LDLRAD3: variants seen among roughly 807,000 people sequenced by gnomAD.
The protein encoded by LDLRAD3 is low-density lipoprotein receptor class A domain-containing protein 3.
In LDLRAD3, 20 loss-of-function variants were observed where a neutral mutation model predicts 29.4. That is an observed-to-expected ratio of 0.68 (90% confidence interval 0.48 to 0.99). LDLRAD3 has a LOEUF of 0.99. Among genes scored for constraint, LDLRAD3 ranks in the 50% least tolerant of loss-of-function variants. The pLI, the probability that LDLRAD3 is intolerant of heterozygous loss-of-function variation, is 0.00. For missense variants in LDLRAD3, 420 were observed against 454.3 expected, an observed-to-expected ratio of 0.92 and a Z score of 0.69; for synonymous variants, 157 against 192.7, an observed-to-expected ratio of 0.81 and a Z score of 1.53.
chr11:36,213,604 G>T lies in LDLRAD3; in HGVS notation c.455-13481G>T, dbSNP rs936328730. The stretch of plus-strand genomic sequence containing the variant: ...AAGTGTGGCTGCCACTGTGGCAGAG[G>T]CCATGGTAGGAGGCATGCAGGAGTG... On this transcript the variant is annotated intron_variant, in intron 4 of 5. Coordinates refer to ENST00000315571, the MANE Select transcript of LDLRAD3 (RefSeq NM_174902.4). The surrounding 1 kb of genome is among the most constrained non-coding windows in gnomAD (Gnocchi z 4.1). Among the ~76,000 whole-genome samples, 2 of 152,178 alleles carry T rather than the reference G, an allele frequency of 1.3e-5. No homozygotes were observed. The highest frequency in any genetic ancestry group is 4.8e-5 in the African/African-American group (2 of 41,454).
At chr11:36,093,426 G>A (rs1032956962) in intron 3 of LDLRAD3, among the ~76,000 whole-genome samples, 3 of 151,950 alleles carry the variant, frequency 2.0e-5, no homozygotes, top group African/African-American at 7.3e-5. Context: ...TTCCCATTAA[G>A]GTTTTTTTTT....
intron 4 of LDLRAD3, among the ~76,000 whole-genome samples, chr11:36,162,436 C>T (rs887217702): frequency 3.9e-5 from 6 of 152,168 alleles, no homozygotes; most frequent in African/African-American, 1.4e-4. Context: ...CCCTGTCCTT[C>T]GTCTCCTGAT....
chr11:36,137,182 C>G (rs1854016927), intron 4 of LDLRAD3, among the ~76,000 whole-genome samples: 1 of 152,170 alleles, frequency 6.6e-6, no homozygotes, highest in African/African-American at 2.4e-5. Context: ...GGCCAGCAAC[C>G]TGAACTGAGG....
intron 3 of LDLRAD3, among the ~76,000 whole-genome samples, chr11:36,090,559 G>C (rs1347072158): frequency 6.6e-6 from 1 of 152,154 alleles, no homozygotes; most frequent in Non-Finnish European, 1.5e-5. Context: ...GTGTTGGACA[G>C]GAGATAACCA....
rs917136934 is a variant in LDLRAD3, at chr11:35,957,570, G to A, written c.46+13426G>A. On this transcript the variant is annotated intron_variant, in intron 1 of 5. Coordinates refer to ENST00000315571, the MANE Select transcript of LDLRAD3 (RefSeq NM_174902.4). ...CCAGCACTTTGGGAGGCTGAGGCAGGTGGATCACCTGAGCTCAGGAGTTTG... is the reference window on the plus strand; with the variant it reads ...CCAGCACTTTGGGAGGCTGAGGCAGATGGATCACCTGAGCTCAGGAGTTTG... Among the ~76,000 whole-genome samples the A allele has an allele frequency of 2.0e-5, 3 of 152,118 alleles. No individual in the cohort carries two copies. The South Asian group carries it at 6.2e-4, about 32-fold the overall frequency.
chr11:36,060,188 AC>A (rs1357503080), intron 2 of LDLRAD3, among the ~76,000 whole-genome samples: 1 of 151,930 alleles, frequency 6.6e-6, no homozygotes, highest in Admixed American at 6.5e-5. Context: ...TTCCATCTCT[AC>A]TAAAAATACA....
At chr11:36,037,465 C>G (rs948212725) in intron 2 of LDLRAD3, among the ~76,000 whole-genome samples, 4 of 152,116 alleles carry the variant, frequency 2.6e-5, no homozygotes, top group Non-Finnish European at 5.9e-5. Flanking sequence ...CAGGCACCCA[C>G]CACCGTGCCC....
intron 4 of LDLRAD3, among the ~76,000 whole-genome samples, chr11:36,132,020 C>T (rs1853933018): frequency 6.6e-6 from 1 of 151,938 alleles, no homozygotes; most frequent in Non-Finnish European, 1.5e-5. Flanking sequence ...TTTAAAAGAG[C>T]ACCAAGGAGA....
intron 1 of LDLRAD3, among the ~76,000 whole-genome samples, chr11:36,002,365 C>T (rs1317121660): frequency 2.0e-5 from 3 of 152,216 alleles, no homozygotes; most frequent in Admixed American, 6.5e-5. Context: ...GGTCAGGAGC[C>T]TGGAGCTCAC....
chr11:36,103,562 T>A (rs1853483297), intron 4 of LDLRAD3, among the ~76,000 whole-genome samples: 1 of 152,146 alleles, frequency 6.6e-6, no homozygotes, highest in Non-Finnish European at 1.5e-5. Context: ...TTCTTAAGTG[T>A]GTATGTGTCC....
Position 35,967,928 on chromosome 11 carries a change from C to G in LDLRAD3, c.46+23784C>G, listed in dbSNP as rs148928725. The G allele has an allele frequency of 5.1e-5, 20 of 391,026 alleles. No individual in the cohort carries two copies. In the East Asian group the frequency reaches 1.4e-3, roughly 28 times the overall value. 24.2% of individuals were successfully genotyped at this position (391,026 alleles called of 1,614,324 possible). A position where few individuals can be genotyped will look rare whatever the true frequency, so the allele number is the denominator to read the frequency against. ...CCAAACACTGTATGAGCATAAACTT[C>G]ACGCAAAGCCAAATTCTCAGGTGAA... On this transcript the variant is annotated intron_variant, in intron 1 of 5. Transcript: ENST00000315571.
At position 36,165,944 on chromosome 11, in the gene LDLRAD3, TCCTCCCTC is replaced by T. The variant is rs1188329076; in HGVS notation, c.455-61113_455-61106del. On this transcript the variant is annotated intron_variant, in intron 4 of 5. Transcript: ENST00000315571. The stretch of plus-strand genomic sequence containing the variant: ...TCTTTTCTAGGCTGACTGGCTTGCT[TCCTCCCTC>T]CCTCCCTCCCTCCCTCCCTCCCTCC... Among the ~76,000 whole-genome samples, 621 of 109,882 alleles carry T rather than the reference TCCTCCCTC, an allele frequency of 5.7e-3. 8 individuals are homozygous for T. Among genetic ancestry groups the T allele is most frequent in the African/African-American group, 0.021 (564 of 27,056 alleles). 72.1% of individuals were successfully genotyped at this position (109,882 alleles called of 152,430 possible).
chr11:36,229,047 C>A, intron 5 of LDLRAD3, 113 bp from the exon 6 acceptor site: 1 of 743,234 alleles, frequency 1.3e-6, no homozygotes, highest in Non-Finnish European at 2.4e-6. Context: ...AATCTCATTT[C>A]GCACTGGAAA....
At chr11:36,098,560 C>A in intron 4 of LDLRAD3, 99 bp downstream of exon 4, 1 of 1,376,764 alleles carries the variant, frequency 7.3e-7, no homozygotes, top group Non-Finnish European at 1.0e-6. Context: ...CCATTCCAAA[C>A]ACAATAGCTC....
intron 4 of LDLRAD3, among the ~76,000 whole-genome samples, chr11:36,102,994 G>A (rs879627241): frequency 8.6e-5 from 13 of 151,986 alleles, no homozygotes; most frequent in African/African-American, 3.1e-4. Context: ...TTTGTCTACT[G>A]TAAAATTTAT....
At chr11:36,111,686 C>T (rs776725282) in intron 4 of LDLRAD3, among the ~76,000 whole-genome samples, 15 of 152,096 alleles carry the variant, frequency 9.9e-5, no homozygotes, top group Admixed American at 2.0e-4. Flanking sequence ...CTGCATCCTC[C>T]GCCTCCCGGG....
chr11:35,994,486 A>G (rs901596989), intron 1 of LDLRAD3, among the ~76,000 whole-genome samples: 3 of 152,112 alleles, frequency 2.0e-5, no homozygotes, highest in Non-Finnish European at 2.9e-5. Flanking sequence ...TCTAGCCTTC[A>G]GTCAGTTTTA....
intron 1 of LDLRAD3, among the ~76,000 whole-genome samples, chr11:35,966,402 G>A (rs1851342402): frequency 1.3e-5 from 2 of 152,218 alleles, no homozygotes; most frequent in South Asian, 4.1e-4. Flanking sequence ...TCCAGCCTGG[G>A]TGACAGAGTG....
At chr11:35,949,424 AC>A (rs1428075092) in intron 1 of LDLRAD3, among the ~76,000 whole-genome samples, 1 of 151,992 alleles carries the variant, frequency 6.6e-6, no homozygotes, top group Non-Finnish European at 1.5e-5. Context: ...TGAAATCCTA[AC>A]CCTGGAAGTT....
Sources: allele counts gnomAD v4.1 joint callset (sites outside exome capture counted in the v4.1 genomes callset), GRCh38; gene constraint gnomAD v4.1.1; non-coding constraint Gnocchi (gnomAD v3.1); transcripts MANE v1.5; gene names NCBI Gene and HGNC (gene_info 2026-07-23, HGNC 2026-07-21).